Variants in IL20RB observed in about 807,000 individuals in gnomAD.
IL20RB encodes interleukin-20 receptor subunit beta.
Under a neutral mutation model 33.3 loss-of-function variants are expected in IL20RB, and 21 were observed. The ratio of observed to expected loss-of-function variants is 0.63; its 90% confidence interval spans 0.45 to 0.91. The LOEUF is 0.91. IL20RB is among the 40% of genes least tolerant of loss of function. The pLI is 0.00. For synonymous variants in IL20RB, 147 were observed against 146.8 expected (o/e 1.00, Z -0.01); for missense variants, 345 against 384.8 (o/e 0.90, Z 0.86).
At position 136,986,941 on chromosome 3, in the gene IL20RB, C is replaced by G. The variant is rs978739113; in HGVS notation, c.407-2500C>G. Among the ~76,000 whole-genome samples, 7 of 151,588 alleles carry G rather than the reference C, an allele frequency of 4.6e-5. No homozygotes were observed. The East Asian group carries it at 1.4e-3, about 29-fold the overall frequency. The stretch of plus-strand genomic sequence containing the variant: ...GTGAGTGTTACAGCTCTTAAGGCGG[C>G]GCGTCTGGAGTTGTTCGTTCCTCCT... On this transcript the variant is annotated intron_variant, in intron 3 of 6. Transcript: ENST00000329582.
intron 2 of IL20RB, 66 bp from the exon 3 acceptor site, chr3:136,982,094 T>G: frequency 2.4e-6 from 3 of 1,233,506 alleles, no homozygotes; most frequent in South Asian, 3.6e-5. Flanking sequence ...AGTCAGTTAC[T>G]TGCAACCATA....
intron 1 of IL20RB, among the ~76,000 whole-genome samples, chr3:136,975,731 G>A (rs1427839171): frequency 6.6e-6 from 1 of 152,238 alleles, no homozygotes; most frequent in Admixed American, 6.5e-5. Flanking sequence ...AGTCTGTGGT[G>A]AAGTTGTGCT....
chr3:136,988,707 T>TAC (rs35149475), intron 3 of IL20RB, among the ~76,000 whole-genome samples: 17,623 of 151,012 alleles, frequency 0.12, 1,099 homozygotes, highest in East Asian at 0.2. Context: ...AGTGCCACTA[T>TAC]ACACTCCAGC....
chr3:136,982,912 G>A (rs1941811973), intron 3 of IL20RB, among the ~76,000 whole-genome samples: 1 of 152,214 alleles, frequency 6.6e-6, no homozygotes, highest in Non-Finnish European at 1.5e-5. Flanking sequence ...AAATGTGGCT[G>A]AGTACAAGCA....
chr3:136,973,109 A>C (rs1941528508), intron 1 of IL20RB, among the ~76,000 whole-genome samples: 1 of 152,124 alleles, frequency 6.6e-6, no homozygotes, highest in South Asian at 2.1e-4. Context: ...ACTTTACACC[A>C]GTTTAAGTTT....
At chr3:136,996,399 TCA>T (rs1393394310) in intron 6 of IL20RB, among the ~76,000 whole-genome samples, 2 of 152,152 alleles carry the variant, frequency 1.3e-5, no homozygotes, top group Non-Finnish European at 2.9e-5. Context: ...TAGGGAATTC[TCA>T]CAGTTCTCTC....
intron 4 of IL20RB, 59 bp from the exon 5 acceptor site, chr3:136,991,879 G>T (rs748106380): frequency 6.4e-7 from 1 of 1,572,914 alleles, no homozygotes; most frequent in Admixed American, 1.7e-5. Flanking sequence ...CAAAGTGCTG[G>T]GATTATAGGC....
intron 6 of IL20RB, 30 bp downstream of exon 6, chr3:136,995,586 T>G (rs1235116683): frequency 1.9e-6 from 3 of 1,611,284 alleles, no homozygotes; most frequent in Non-Finnish European, 2.5e-6. Flanking sequence ...TTCCTTTCAG[T>G]ATAACACTGA....
chr3:136,963,915 T>G, intron 1 of IL20RB, among the ~76,000 whole-genome samples: 1 of 72,740 alleles, frequency 1.4e-5, no homozygotes, highest in African/African-American at 5.4e-5. Flanking sequence ...CATTGTTCAA[T>G]TCCCACCTAT....
intron 6 of IL20RB, among the ~76,000 whole-genome samples, chr3:137,000,393 G>C (rs566063943): frequency 6.6e-6 from 1 of 152,258 alleles, no homozygotes; most frequent in African/African-American, 2.4e-5. Flanking sequence ...TCTAACTTCT[G>C]TGTTTGCACC....
intron 6 of IL20RB, among the ~76,000 whole-genome samples, chr3:136,997,089 TTCTC>T (rs533854627): frequency 2.0e-5 from 3 of 151,962 alleles, no homozygotes; most frequent in Admixed American, 6.6e-5. Flanking sequence ...ATATCTGTTT[TTCTC>T]TCTCTCTCTC....
intron 5 of IL20RB, among the ~76,000 whole-genome samples, chr3:136,993,262 G>A (rs778660683): frequency 7.2e-5 from 11 of 152,150 alleles, no homozygotes; most frequent in East Asian, 3.9e-4. Context: ...GGAGGTTTCC[G>A]TTGGTGAGTC....
chr3:136,979,485 A>G (rs1356937497), intron 1 of IL20RB, among the ~76,000 whole-genome samples: 1 of 152,206 alleles, frequency 6.6e-6, no homozygotes, highest in Non-Finnish European at 1.5e-5. Context: ...TTGGGCATTT[A>G]AACAGGAACA....
intron 6 of IL20RB, among the ~76,000 whole-genome samples, chr3:136,997,563 A>G (rs1942155114): frequency 6.8e-6 from 1 of 147,144 alleles, no homozygotes; most frequent in South Asian, 2.1e-4. Flanking sequence ...CCTTAGTGTG[A>G]TATCAGTATA....
intron 6 of IL20RB, 78 bp downstream of exon 6, chr3:136,995,634 T>C: frequency 7.5e-7 from 1 of 1,330,774 alleles, no homozygotes; most frequent in Non-Finnish European, 1.1e-6. Flanking sequence ...CATGGGCACA[T>C]GTTTCCATGT....
intron 6 of IL20RB, among the ~76,000 whole-genome samples, chr3:137,001,321 C>T (rs970089459): frequency 2.0e-5 from 3 of 152,142 alleles, no homozygotes; most frequent in East Asian, 1.9e-4. Flanking sequence ...CCTTACTTCA[C>T]GCTAAGATTT....
chr3:137,001,870 G>GCA (rs2032060502), intron 6 of IL20RB, among the ~76,000 whole-genome samples: 1 of 152,044 alleles, frequency 6.6e-6, no homozygotes, highest in African/African-American at 2.4e-5. Flanking sequence ...GTGGTTTGCT[G>GCA]CACCCATCAA....
At chr3:136,999,090 CT>C (rs1048303246) in intron 6 of IL20RB, among the ~76,000 whole-genome samples, 7 of 150,910 alleles carry the variant, frequency 4.6e-5, no homozygotes, top group East Asian at 1.9e-4. Flanking sequence ...AATTTTCAGC[CT>C]TTTTTTTTCT....
At chr3:136,967,179 T>A (rs1304719416) in intron 1 of IL20RB, among the ~76,000 whole-genome samples, 1 of 151,180 alleles carries the variant, frequency 6.6e-6, no homozygotes, top group Admixed American at 6.6e-5. Context: ...TTCTGTTGAT[T>A]TGGGGTGGAG....
Sources: gnomAD v4.1 joint callset for allele counts (sites outside exome capture counted in the v4.1 genomes callset) on GRCh38, gnomAD v4.1.1 for gene constraint, MANE v1.5 for transcripts, NCBI Gene and HGNC (gene_info 2026-07-23, HGNC 2026-07-21) for gene names.